TMEM163: variants seen among roughly 807,000 people sequenced by gnomAD.
TMEM163 encodes the protein transmembrane protein 163.
In TMEM163, 17 loss-of-function variants were observed where a neutral mutation model predicts 29.3. The observed-to-expected ratio is 0.58, with a 90% CI of 0.40 to 0.87. The LOEUF (loss-of-function observed/expected upper bound fraction) is 0.87, where lower values mean the gene tolerates loss of function less well. Ranked by LOEUF, TMEM163 falls within the 40% of genes least tolerant of loss-of-function variation. The pLI is 0.00. For missense variants in TMEM163, 303 were observed against 381.5 expected, an observed-to-expected ratio of 0.79 and a Z score of 1.71; for synonymous variants, 157 against 160.6, an observed-to-expected ratio of 0.98 and a Z score of 0.17.
intron 2 of TMEM163, among the ~76,000 whole-genome samples, chr2:134,569,048 A>G (rs2104783331): frequency 6.6e-6 from 1 of 152,348 alleles, no homozygotes; most frequent in South Asian, 2.1e-4. Flanking sequence ...GATTTTATAG[A>G]TGGAGAGCTG....
intron 2 of TMEM163, among the ~76,000 whole-genome samples, chr2:134,685,762 T>G (rs1029647826): frequency 6.6e-6 from 1 of 152,174 alleles, no homozygotes; most frequent in Non-Finnish European, 1.5e-5. Context: ...ACAATCATCA[T>G]TAAACCCATT....
chr2:134,601,628 G>A (rs1682237162), intron 2 of TMEM163, among the ~76,000 whole-genome samples: 1 of 152,222 alleles, frequency 6.6e-6, no homozygotes, highest in African/African-American at 2.4e-5. Context: ...AAGTAATTCA[G>A]AACCAGTTCA....
intron 2 of TMEM163, among the ~76,000 whole-genome samples, chr2:134,603,376 A>T (rs1682277244): frequency 6.6e-6 from 1 of 152,236 alleles, no homozygotes; most frequent in Non-Finnish European, 1.5e-5. Context: ...GACGGTAATG[A>T]GGAATTTTAT....
intron 2 of TMEM163, among the ~76,000 whole-genome samples, chr2:134,652,194 A>G (rs1683496013): frequency 1.0e-5 from 1 of 95,270 alleles, no homozygotes; most frequent in Non-Finnish European, 2.2e-5. Context: ...ATGTTCTTCC[A>G]TTTGTTTGTA....
intron 2 of TMEM163, among the ~76,000 whole-genome samples, chr2:134,668,243 C>T (rs953510179): frequency 6.6e-6 from 1 of 152,180 alleles, no homozygotes; most frequent in African/African-American, 2.4e-5. Flanking sequence ...GGCACACAAA[C>T]CTGTCCTGGA....
intron 6 of TMEM163, 149 bp downstream of exon 6, chr2:134,465,965 T>G (rs1686661408): frequency 1.7e-6 from 1 of 593,250 alleles, no homozygotes; most frequent in East Asian, 2.9e-5. Context: ...CTGAGAATCA[T>G]TAAACAACTT....
At chr2:134,481,375 C>CA (rs1679172239) in intron 5 of TMEM163, among the ~76,000 whole-genome samples, 1 of 101,120 alleles carries the variant, frequency 9.9e-6, no homozygotes, top group Admixed American at 9.8e-5. Flanking sequence ...GTAATTGAAT[C>CA]ATGGGGGGGG....
At chr2:134,501,640 C>A (rs138737866) in intron 5 of TMEM163, among the ~76,000 whole-genome samples, 37 of 152,308 alleles carry the variant, frequency 2.4e-4, no homozygotes, top group East Asian at 1.7e-3. Context: ...CAGATTCTGA[C>A]TGAATGAAAT....
At chr2:134,503,244 T>A (rs1445114435) in intron 4 of TMEM163, among the ~76,000 whole-genome samples, 1 of 152,198 alleles carries the variant, frequency 6.6e-6, no homozygotes, top group Non-Finnish European at 1.5e-5. Context: ...GCTCACAGCA[T>A]ACCATGAATG....
chr2:134,467,734 A>G (rs1686702208), intron 5 of TMEM163: 1 of 152,202 alleles, frequency 6.6e-6, no homozygotes, highest in Non-Finnish European at 1.5e-5. Context: ...ACATGAGAAG[A>G]AAGTCTAGGG....
intron 2 of TMEM163, among the ~76,000 whole-genome samples, chr2:134,692,902 A>G (rs768092803): frequency 6.6e-6 from 1 of 152,140 alleles, no homozygotes; most frequent in Non-Finnish European, 1.5e-5. Context: ...TACTTCACCC[A>G]TCCACCACAT....
At chr2:134,495,643 T>G (rs1055996701) in intron 5 of TMEM163, among the ~76,000 whole-genome samples, 3 of 152,198 alleles carry the variant, frequency 2.0e-5, no homozygotes, top group African/African-American at 7.2e-5. Context: ...GGCCATTGCT[T>G]TGGCCTGAGC....
chr2:134,700,856 G>A (rs1196820281), intron 2 of TMEM163, among the ~76,000 whole-genome samples: 1 of 151,628 alleles, frequency 6.6e-6, no homozygotes, highest in African/African-American at 2.4e-5. Flanking sequence ...CTGAGAGACC[G>A]TGACACTGCA....
rs17787254 is a variant in TMEM163, at chr2:134,490,174, G to A, written c.555+12727C>T. On this transcript the variant is annotated intron_variant, in intron 5 of 7. Transcript: ENST00000281924. ...CCAACAGTCTACATGAGGTGTCATC[G>A]GAGCGCCACCAGCTGGGTGATGTTT... Among the ~76,000 whole-genome samples, 842 of 152,214 alleles carry A rather than the reference G, an allele frequency of 5.5e-3. 9 individuals are homozygous for A. Among genetic ancestry groups the A allele is most frequent in the African/African-American group, 0.019 (774 of 41,520 alleles).
At chr2:134,677,686 T>C (rs1684145694) in intron 2 of TMEM163, among the ~76,000 whole-genome samples, 1 of 152,196 alleles carries the variant, frequency 6.6e-6, no homozygotes, top group Non-Finnish European at 1.5e-5. Context: ...ACAAAAAATA[T>C]TAAAATGGCT....
chr2:134,566,862 CATAAG>C (rs1202431133), intron 2 of TMEM163, among the ~76,000 whole-genome samples: 4 of 152,080 alleles, frequency 2.6e-5, no homozygotes, highest in African/African-American at 4.8e-5. Context: ...ACATGCATAC[CATAAG>C]ATATCATTAA....
At chr2:134,601,041 T>C (rs904825619) in intron 2 of TMEM163, among the ~76,000 whole-genome samples, 1 of 152,194 alleles carries the variant, frequency 6.6e-6, no homozygotes, top group African/African-American at 2.4e-5. Flanking sequence ...CGCATGTATA[T>C]ATATGCTTTC....
At chr2:134,477,805 T>C (rs772341013) in intron 5 of TMEM163, among the ~76,000 whole-genome samples, 15 of 152,198 alleles carry the variant, frequency 9.9e-5, no homozygotes, top group Non-Finnish European at 1.8e-4. Context: ...CATAGCACTT[T>C]TCTGTCCCTC....
At chr2:134,462,850 G>A (rs913379452) in intron 6 of TMEM163, among the ~76,000 whole-genome samples, 3 of 152,198 alleles carry the variant, frequency 2.0e-5, no homozygotes, top group Non-Finnish European at 4.4e-5. Flanking sequence ...ATGGTCATGG[G>A]CAGGGTGGGG....
Sources: gnomAD v4.1 joint callset for allele counts (sites outside exome capture counted in the v4.1 genomes callset) on GRCh38, gnomAD v4.1.1 for gene constraint, MANE v1.5 for transcripts, NCBI Gene and HGNC (gene_info 2026-07-23, HGNC 2026-07-21) for gene names.